ADCY10: variants seen among roughly 807,000 people sequenced by gnomAD.
The protein encoded by ADCY10 is adenylate cyclase 10, also known as adenylate cyclase type 10.
A neutral mutation model predicts 183.3 loss-of-function variants in ADCY10; 156 were observed. The ratio of observed to expected loss-of-function variants is 0.85; its 90% CI spans 0.75 to 0.97. ADCY10 has a LOEUF of 0.97. ADCY10 is among the 50% of genes least tolerant of loss of function. The pLI, the probability that ADCY10 is intolerant of heterozygous loss-of-function variation, is 0.00. For synonymous variants in ADCY10, 645 were observed against 670.0 expected, an observed-to-expected ratio of 0.96 and a Z score of 0.58; for missense variants, 1,745 against 1,934.3, an observed-to-expected ratio of 0.90 and a Z score of 1.84.
intron 14 of ADCY10, among the ~76,000 whole-genome samples, chr1:167,863,238 C>T (rs778477673): frequency 3.9e-5 from 6 of 152,168 alleles, no homozygotes; most frequent in Non-Finnish European, 8.8e-5. Context: ...TAAAATTCGA[C>T]CCCTGACCTA....
chr1:167,845,944 G>T (rs188019959), intron 20 of ADCY10, 41 bp downstream of exon 20: 3 of 1,613,890 alleles, frequency 1.9e-6, no homozygotes, highest in South Asian at 1.1e-5. Flanking sequence ...GATCTAGATG[G>T]GTCCTTAAGA....
intron 11 of ADCY10, among the ~76,000 whole-genome samples, chr1:167,879,873 T>C (rs1667747504): frequency 6.6e-6 from 1 of 152,202 alleles, no homozygotes; most frequent in Non-Finnish European, 1.5e-5. Context: ...CCTCATTCCA[T>C]CAACATATAG....
chr1:167,884,132 T>C (rs1185233981), intron 8 of ADCY10, among the ~76,000 whole-genome samples: 3 of 152,224 alleles, frequency 2.0e-5, no homozygotes, highest in Non-Finnish European at 2.9e-5. Flanking sequence ...TTAGTTATTT[T>C]TAAAATGTAT....
chr1:167,822,659 G>A (rs143098446), intron 29 of ADCY10, among the ~76,000 whole-genome samples: 116 of 152,226 alleles, frequency 7.6e-4, no homozygotes, highest in African/African-American at 2.2e-3. Context: ...ATTCTAAAGC[G>A]TGAAGTCTCT....
At position 167,880,614 on chromosome 1, in the gene ADCY10, G is replaced by C. The variant is rs1379111051; in HGVS notation, c.1021-5C>G. ...GACACAGAGGAAAGAGCAGCCCTGT[G>C]AGGGAGAGAGACAGCAACCACAGCT... is the stretch of plus-strand genomic sequence containing the variant. On this transcript the variant is annotated splice_region_variant and splice_polypyrimidine_tract_variant and intron_variant, in intron 9 of 32. Coordinates refer to ENST00000367851, the MANE Select transcript of ADCY10 (RefSeq NM_018417.6). 6.2e-7 allele frequency: 1 copy of C among 1,600,030 alleles called. No homozygotes were observed. Among genetic ancestry groups the C allele is most frequent in the Admixed American group, 1.7e-5 (1 of 60,008 alleles).
chr1:167,828,972 A>G (rs931471557), intron 26 of ADCY10, among the ~76,000 whole-genome samples: 3 of 152,184 alleles, frequency 2.0e-5, no homozygotes, highest in Non-Finnish European at 4.4e-5. Flanking sequence ...AAAAAAAACC[A>G]GCAAAAATAA....
intron 14 of ADCY10, among the ~76,000 whole-genome samples, chr1:167,866,880 G>C (rs1389499314): frequency 6.6e-6 from 1 of 152,096 alleles, no homozygotes; most frequent in Non-Finnish European, 1.5e-5. Context: ...GTTTCCAAAG[G>C]CTGGCCCCCA....
At chr1:167,812,122 C>T (rs1186680740) in intron 31 of ADCY10, among the ~76,000 whole-genome samples, 1 of 152,166 alleles carries the variant, frequency 6.6e-6, no homozygotes, top group Non-Finnish European at 1.5e-5. Context: ...GCAAAAAGGA[C>T]CCTGTCTGAG....
chr1:167,822,271 C>G, intron 29 of ADCY10, 130 bp from the exon 30 acceptor site: 1 of 763,250 alleles, frequency 1.3e-6, no homozygotes, highest in South Asian at 1.4e-5. Flanking sequence ...TCCAGAGGGT[C>G]CCGTGGATTG....
chr1:167,907,280 T>C (rs764697615), intron 1 of ADCY10, among the ~76,000 whole-genome samples: 1 of 152,252 alleles, frequency 6.6e-6, no homozygotes, highest in Non-Finnish European at 1.5e-5. Flanking sequence ...CATAATGTAT[T>C]TGTTGAGATA....
intron 17 of ADCY10, 51 bp downstream of exon 17, chr1:167,856,114 G>T: frequency 6.3e-7 from 1 of 1,594,578 alleles, no homozygotes; most frequent in South Asian, 1.1e-5. Flanking sequence ...AGTCTAGACC[G>T]AGGGAATGTA....
At chr1:167,852,363 G>C (rs1665561102) in intron 18 of ADCY10, among the ~76,000 whole-genome samples, 1 of 152,040 alleles carries the variant, frequency 6.6e-6, no homozygotes, top group African/African-American at 2.4e-5. Flanking sequence ...AGAACTGCTT[G>C]AGCGCAGGAG....
chr1:167,829,401 A>G lies in ADCY10; in HGVS notation c.3616T>C (p.Tyr1206His), dbSNP rs1663549684. ...AAGGAAAGGCAGACAGTTTGCCGGTAAAGTTGTGCCAGCCTCTTCTTCCTA... is the reference window on the plus strand; with the variant it reads ...AAGGAAAGGCAGACAGTTTGCCGGTGAAGTTGTGCCAGCCTCTTCTTCCTA... ...PPGKKRLAQLYRQTVCLSLLW... is the reference protein window; with the variant it reads ...PPGKKRLAQLHRQTVCLSLLW... The change falls in exon 26 of 33, where the codon TAC becomes CAC. Residue 1206 changes from tyrosine to histidine, a missense_variant. Transcript: ENST00000367851. The G allele has an allele frequency of 6.2e-7, 1 of 1,614,178 alleles. No homozygotes were observed. Among genetic ancestry groups the G allele is most frequent in the Non-Finnish European group, 8.5e-7 (1 of 1,179,998 alleles).
At chr1:167,895,568 T>C (rs1238954282) in intron 7 of ADCY10, among the ~76,000 whole-genome samples, 9 of 152,216 alleles carry the variant, frequency 5.9e-5, no homozygotes. Context: ...GATACGTTAA[T>C]ATTAGATGCC....
In ADCY10 at chr1:167,833,279, C is replaced by T. The variant is rs182120205; in HGVS notation, c.3418-117G>A. 4,052 of 974,404 alleles carry T rather than the reference C, an allele frequency of 4.2e-3. 16 individuals are homozygous for T. Among genetic ancestry groups the T allele is most frequent in the Non-Finnish European group, 5.6e-3 (3,434 of 617,982 alleles). The allele number at this position is 974,404 out of a possible 1,614,324, so 60.4% of individuals were successfully genotyped here. On this transcript the variant is annotated intron_variant, in intron 24 of 32. Transcript: ENST00000367851. ...TTATCAAAAAAGGTAATTTATGGAC[C>T]AGAAACAAAATCTTCCTGTGCCTGG...
At chr1:167,861,196 T>TAAAGAACCATTGCGA in intron 14 of ADCY10, 133 bp from the exon 15 acceptor site, 2 of 769,876 alleles carry the variant, frequency 2.6e-6, no homozygotes, top group Non-Finnish European at 4.3e-6. Flanking sequence ...TATCTCGCAA[T>TAAAGAACCATTGCGA]GGTTCTTTAT....
At chr1:167,887,203 C>T (rs1056452301) in intron 8 of ADCY10, among the ~76,000 whole-genome samples, 11 of 152,106 alleles carry the variant, frequency 7.2e-5, no homozygotes, top group African/African-American at 2.4e-4. Flanking sequence ...TGGGTATGTA[C>T]CCAAAGGATT....
At chr1:167,868,702 C>A (rs1414678820) in intron 14 of ADCY10, among the ~76,000 whole-genome samples, 3 of 152,186 alleles carry the variant, frequency 2.0e-5, no homozygotes, top group Non-Finnish European at 4.4e-5. Context: ...AACTCCTGGG[C>A]TTCCCTGTCT....
intron 31 of ADCY10, among the ~76,000 whole-genome samples, chr1:167,814,700 A>T (rs1558140610): frequency 6.6e-6 from 1 of 152,292 alleles, no homozygotes; most frequent in East Asian, 1.9e-4. Flanking sequence ...GTTGTTTGAC[A>T]AGATGAAGAG....
Sources: allele counts gnomAD v4.1 joint callset (sites outside exome capture counted in the v4.1 genomes callset), GRCh38; gene constraint gnomAD v4.1.1; transcripts MANE v1.5; gene names NCBI Gene and HGNC (gene_info 2026-07-23, HGNC 2026-07-21).